KLF12: variants seen among roughly 807,000 people sequenced by gnomAD.
The protein encoded by KLF12 is Krueppel-like factor 12.
KLF12 carries 9 observed loss-of-function variants against 37.8 expected under a neutral mutation model. The observed-to-expected ratio is 0.24, with a 90% CI of 0.14 to 0.42. The LOEUF (loss-of-function observed/expected upper bound fraction) is 0.42, where lower values mean the gene tolerates loss of function less well. KLF12 is among the 10% of genes least tolerant of loss of function. KLF12 has a pLI of 1.00. For synonymous variants in KLF12, 208 were observed against 202.1 expected (o/e 1.03, Z -0.25); for missense variants, 411 against 516.0 (o/e 0.80, Z 1.97).
At chr13:73,976,151 G>GGTTT (rs59935940) in intron 2 of KLF12, among the ~76,000 whole-genome samples, 7,548 of 148,884 alleles carry the variant, frequency 0.051, 394 homozygotes, top group African/African-American at 0.13. Flanking sequence ...TTTGTTTTGG[G>GGTTT]GTTTTTTTTT....
intron 6 of KLF12, among the ~76,000 whole-genome samples, chr13:73,738,120 T>C (rs200049900): frequency 0.011 from 766 of 70,282 alleles, 8 homozygotes; most frequent in African/African-American, 0.017. Context: ...TATATATATA[T>C]ATATACACAC....
At chr13:73,975,985 C>G (rs1891509678) in intron 2 of KLF12, among the ~76,000 whole-genome samples, 1 of 152,160 alleles carries the variant, frequency 6.6e-6, no homozygotes, top group Non-Finnish European at 1.5e-5. Flanking sequence ...AAGTGCCTTT[C>G]TGCCGGTCTG....
chr13:74,044,769 C>T (rs574523465), intron 1 of KLF12, among the ~76,000 whole-genome samples: 37 of 151,666 alleles, frequency 2.4e-4, no homozygotes, highest in Non-Finnish European at 4.6e-4. Flanking sequence ...CGCTTGAACC[C>T]GGGAGGCAGA....
chr13:74,100,343 T>G (rs1172093699), intron 1 of KLF12, among the ~76,000 whole-genome samples: 1 of 152,008 alleles, frequency 6.6e-6, no homozygotes, highest in Non-Finnish European at 1.5e-5. Context: ...AGAAGCTGGG[T>G]GCGGTGTTTC....
chr13:73,987,692 G>T (rs1891859856), intron 2 of KLF12, among the ~76,000 whole-genome samples: 1 of 137,696 alleles, frequency 7.3e-6, no homozygotes, highest in Non-Finnish European at 1.6e-5. Context: ...GAGGAGAGAA[G>T]AAGTGGGAGA....
the KLF12 span, among the ~76,000 whole-genome samples, chr13:74,184,341 C>G: frequency 1.3e-5 from 2 of 152,098 alleles, no homozygotes; most frequent in Non-Finnish European, 2.9e-5. Flanking sequence ...AGCTCACAAA[C>G]TTGTAGGGAT....
At chr13:73,746,809 CCTT>C (rs1878402127) in intron 6 of KLF12, among the ~76,000 whole-genome samples, 3 of 119,184 alleles carry the variant, frequency 2.5e-5, no homozygotes, top group Non-Finnish European at 5.1e-5. Flanking sequence ...CTCCCTCCCT[CCTT>C]TTTTTTTTTT....
At chr13:74,293,831 A>G in the KLF12 span, among the ~76,000 whole-genome samples, 6 of 152,218 alleles carry the variant, frequency 3.9e-5, no homozygotes, top group African/African-American at 1.4e-4. Flanking sequence ...AAACTTCTGA[A>G]CATGGTAAAC....
At chr13:74,241,330 A>G in the KLF12 span, among the ~76,000 whole-genome samples, 1 of 151,904 alleles carries the variant, frequency 6.6e-6, no homozygotes, top group South Asian at 2.1e-4. Context: ...TACTGGGAGA[A>G]CCACTGCTCT....
At chr13:73,962,070 A>C (rs1215646329) in intron 2 of KLF12, 3 of 449,670 alleles carry the variant, frequency 6.7e-6, no homozygotes, top group African/African-American at 2.0e-5. Flanking sequence ...CTTGGAAGCA[A>C]TCAAAATGTC....
At chr13:74,231,962 C>G in the KLF12 span, among the ~76,000 whole-genome samples, 1 of 152,094 alleles carries the variant, frequency 6.6e-6, no homozygotes, top group South Asian at 2.1e-4. Flanking sequence ...ATTAGATATT[C>G]AAAGAAATTT....
chr13:74,082,599 C>T (rs1439423454), intron 1 of KLF12, among the ~76,000 whole-genome samples: 4 of 152,036 alleles, frequency 2.6e-5, no homozygotes, highest in Admixed American at 2.6e-4. Context: ...ATCTGCTCTG[C>T]TAAGAAAGAC....
At chr13:73,704,429 T>C (rs984354618) in intron 7 of KLF12, among the ~76,000 whole-genome samples, 2 of 152,196 alleles carry the variant, frequency 1.3e-5, no homozygotes, top group Non-Finnish European at 2.9e-5. Flanking sequence ...AGAGATTTCT[T>C]GGACTCTTCC....
chr13:73,977,587 T>C (rs1258170095), intron 2 of KLF12, among the ~76,000 whole-genome samples: 1 of 152,250 alleles, frequency 6.6e-6, no homozygotes, highest in Non-Finnish European at 1.5e-5. Context: ...CATGGGATTC[T>C]AGCAAGTTAT....
chr13:74,032,151 G>A (rs937691155), intron 1 of KLF12, among the ~76,000 whole-genome samples: 1 of 152,126 alleles, frequency 6.6e-6, no homozygotes, highest in South Asian at 2.1e-4. Context: ...ATACAGTTTG[G>A]AAAGTGAAAA....
At chr13:73,907,726 A>G (rs1224862238) in intron 3 of KLF12, among the ~76,000 whole-genome samples, 1 of 152,188 alleles carries the variant, frequency 6.6e-6, no homozygotes, top group African/African-American at 2.4e-5. Flanking sequence ...GCTCATTTTA[A>G]TTGATACTTC....
At chr13:74,246,439 TCA>T in the KLF12 span, among the ~76,000 whole-genome samples, 1 of 152,216 alleles carries the variant, frequency 6.6e-6, no homozygotes, top group East Asian at 1.9e-4. Flanking sequence ...TGCAGTGGGC[TCA>T]GTTATTTGCT....
chr13:74,150,311 G>A, the KLF12 span, among the ~76,000 whole-genome samples: 1 of 152,206 alleles, frequency 6.6e-6, no homozygotes, highest in South Asian at 2.1e-4. Flanking sequence ...CATTAGTACA[G>A]TAGTCTCCCT....
the KLF12 span, chr13:74,257,525 A>G: frequency 6.6e-6 from 1 of 152,018 alleles, no homozygotes; most frequent in Non-Finnish European, 1.5e-5. Context: ...TGGATGGAAA[A>G]CCCAGATCCA....
Sources: gnomAD v4.1 joint callset for allele counts (sites outside exome capture counted in the v4.1 genomes callset) on GRCh38, gnomAD v4.1.1 for gene constraint, MANE v1.5 for transcripts, NCBI Gene and HGNC (gene_info 2026-07-23, HGNC 2026-07-21) for gene names.